Variants in GNA12 observed in about 807,000 individuals in gnomAD.
GNA12 encodes the protein G protein subunit alpha 12, also known as guanine nucleotide-binding protein subunit alpha-12.
In GNA12, 9 loss-of-function variants were observed where a neutral mutation model predicts 26.0. The observed-to-expected ratio is 0.35, with a 90% CI of 0.21 to 0.60. The LOEUF (loss-of-function observed/expected upper bound fraction) is 0.60. Among genes scored for constraint, GNA12 ranks in the 20% least tolerant of loss-of-function variants. The probability of loss-of-function intolerance (pLI) is 0.78; values close to 1 mark genes in which losing one functional copy is unlikely to be tolerated. For missense variants in GNA12, 405 were observed against 525.8 expected (o/e 0.77, Z 2.25); for synonymous variants, 264 against 219.6 (o/e 1.20, Z -1.79).
At chr7:2,757,287 A>G (rs551284158) in intron 2 of GNA12, among the ~76,000 whole-genome samples, 4 of 151,496 alleles carry the variant, frequency 2.6e-5, no homozygotes, top group Non-Finnish European at 5.9e-5. Flanking sequence ...AGCGCCCGCC[A>G]CCATGCCCGG....
chr7:2,819,133 C>A (rs900689814), intron 1 of GNA12, among the ~76,000 whole-genome samples: 3 of 152,140 alleles, frequency 2.0e-5, no homozygotes, highest in Admixed American at 6.5e-5. Context: ...CCTTGTGAGC[C>A]GCTCGCTGCT....
At chr7:2,772,578 A>C (rs74986240) in intron 2 of GNA12, among the ~76,000 whole-genome samples, 4,457 of 151,938 alleles carry the variant, frequency 0.029, 185 homozygotes, top group African/African-American at 0.084. Context: ...AAAAAGAAAA[A>C]GGTGCCAAAC....
chr7:2,789,088 C>T (rs537689626), intron 2 of GNA12, among the ~76,000 whole-genome samples: 4 of 149,450 alleles, frequency 2.7e-5, no homozygotes, highest in East Asian at 2.0e-4. Context: ...AAAGTGCTCC[C>T]GAAGTACAGG....
At chr7:2,765,609 G>C (rs370748044) in intron 2 of GNA12, among the ~76,000 whole-genome samples, 1 of 150,826 alleles carries the variant, frequency 6.6e-6, no homozygotes, top group Non-Finnish European at 1.5e-5. Flanking sequence ...TCTGTATCCT[G>C]TGTTTGTTTT....
intron 2 of GNA12, among the ~76,000 whole-genome samples, chr7:2,741,682 G>A (rs549840945): frequency 2.6e-5 from 4 of 151,982 alleles, no homozygotes; most frequent in South Asian, 2.1e-4. Context: ...TCCTTCGCTC[G>A]CTCTCTTTCA....
At chr7:2,824,579 T>A (rs1324418902) in intron 1 of GNA12, among the ~76,000 whole-genome samples, 1 of 152,214 alleles carries the variant, frequency 6.6e-6, no homozygotes, top group South Asian at 2.1e-4. Context: ...CACACTAGAA[T>A]GTAAGCTCTA....
At chr7:2,761,089 G>A (rs1339559378) in intron 2 of GNA12, among the ~76,000 whole-genome samples, 1 of 152,198 alleles carries the variant, frequency 6.6e-6, no homozygotes, top group East Asian at 1.9e-4. Flanking sequence ...CTCATAGAAA[G>A]CATTTCCTAC....
intron 1 of GNA12, among the ~76,000 whole-genome samples, chr7:2,805,851 A>T (rs1792933856): frequency 6.6e-6 from 1 of 152,214 alleles, no homozygotes; most frequent in South Asian, 2.1e-4. Flanking sequence ...CAGCCCAGCA[A>T]GAGACCATCT....
chr7:2,749,038 T>C (rs1433400781), intron 2 of GNA12, among the ~76,000 whole-genome samples: 3 of 152,098 alleles, frequency 2.0e-5, no homozygotes, highest in South Asian at 2.1e-4. Flanking sequence ...TGTGGAGAAA[T>C]AGGAACACTT....
chr7:2,780,093 T>TATATAA lies in GNA12; in HGVS notation c.525+14834_525+14835insTTATAT, dbSNP rs57390413. Among the ~76,000 whole-genome samples the TATATAA allele has an allele frequency of 1.2e-3, 162 of 130,112 alleles. 6 individuals carry two copies. Among genetic ancestry groups the TATATAA allele is most frequent in the African/African-American group, 4.6e-3 (154 of 33,294 alleles). The allele number at this position is 130,112 out of a possible 152,430, so 85.4% of individuals were successfully genotyped here. The stretch of plus-strand genomic sequence containing the variant: ...ATATATATATATATATATATATATA[T>TATATAA]GCCTGTTTTCCCTTCTAAACAGAAA... On this transcript the variant is annotated intron_variant, in intron 2 of 3. Transcript: ENST00000275364.
At chr7:2,752,763 T>G (rs1200328895) in intron 2 of GNA12, among the ~76,000 whole-genome samples, 1 of 152,218 alleles carries the variant, frequency 6.6e-6, no homozygotes. Flanking sequence ...TAATTATAGA[T>G]GCATAGGAAG....
chr7:2,755,579 T>A (rs570310300), intron 2 of GNA12, among the ~76,000 whole-genome samples: 1 of 152,354 alleles, frequency 6.6e-6, no homozygotes, highest in Admixed American at 6.5e-5. Flanking sequence ...AAAATTTATA[T>A]TTTGTATATG....
intron 2 of GNA12, among the ~76,000 whole-genome samples, chr7:2,740,374 G>A (rs1303838676): frequency 2.0e-5 from 3 of 152,140 alleles, no homozygotes; most frequent in African/African-American, 7.2e-5. Context: ...AGAGACCGGA[G>A]AGCTCTCCCT....
chr7:2,768,409 C>T (rs541173039), intron 2 of GNA12, among the ~76,000 whole-genome samples: 28 of 152,298 alleles, frequency 1.8e-4, no homozygotes, highest in Admixed American at 5.2e-4. Flanking sequence ...TAGCAAGCTA[C>T]GTTTTTCCTA....
chr7:2,752,974 G>A (rs887490452), intron 2 of GNA12, among the ~76,000 whole-genome samples: 10 of 152,038 alleles, frequency 6.6e-5, no homozygotes, highest in Admixed American at 2.0e-4. Flanking sequence ...CCACCACAAC[G>A]GTCTCCCTCG....
chr7:2,841,525 C>A (rs1778987820), intron 1 of GNA12, among the ~76,000 whole-genome samples: 2 of 152,126 alleles, frequency 1.3e-5, no homozygotes, highest in African/African-American at 4.8e-5. Flanking sequence ...AAGCTGGGCA[C>A]CTAGTCTTCA....
chr7:2,819,197 G>A (rs1273346739), intron 1 of GNA12, among the ~76,000 whole-genome samples: 3 of 152,140 alleles, frequency 2.0e-5, no homozygotes, highest in Non-Finnish European at 4.4e-5. Flanking sequence ...TCCAGGAGCC[G>A]AGGGAGGTCA....
intron 1 of GNA12, among the ~76,000 whole-genome samples, chr7:2,842,620 A>C (rs183363876): frequency 6.6e-6 from 1 of 152,284 alleles, no homozygotes; most frequent in African/African-American, 2.4e-5. Flanking sequence ...TTCTTTCACA[A>C]ATATGGCGAA....
At chr7:2,834,804 A>T (rs888277624) in intron 1 of GNA12, among the ~76,000 whole-genome samples, 1 of 152,184 alleles carries the variant, frequency 6.6e-6, no homozygotes, top group African/African-American at 2.4e-5. Flanking sequence ...CATGCGGTAC[A>T]GGTTTGCAGT....
Sources: allele counts gnomAD v4.1 joint callset (sites outside exome capture counted in the v4.1 genomes callset), GRCh38; gene constraint gnomAD v4.1.1; transcripts MANE v1.5; gene names NCBI Gene and HGNC (gene_info 2026-07-23, HGNC 2026-07-21).